DPF2: variants seen among roughly 807,000 people sequenced by gnomAD.
The protein encoded by DPF2 is double PHD fingers 2.
A neutral mutation model predicts 59.6 loss-of-function variants in DPF2; 10 were observed. The observed-to-expected ratio is 0.17, with a 90% CI of 0.10 to 0.28. The LOEUF (loss-of-function observed/expected upper bound fraction) is 0.28, where lower values mean the gene tolerates loss of function less well. DPF2 is among the 10% of genes least tolerant of loss of function. The pLI is 1.00. For synonymous variants in DPF2, 189 were observed against 190.6 expected (o/e 0.99, Z 0.07); for missense variants, 315 against 509.4 (o/e 0.62, Z 3.67).
chr11:65,340,271 C>G (rs1854323642), intron 1 of DPF2, 114 bp from the exon 2 acceptor site: 1 of 1,266,714 alleles, frequency 7.9e-7, no homozygotes, highest in Non-Finnish European at 1.1e-6. Flanking sequence ...ACGGAAGAGA[C>G]AGCCACCCAG....
At chr11:65,348,611 G>GAAAAAAA in intron 9 of DPF2, 5 of 239,450 alleles carry the variant, frequency 2.1e-5, no homozygotes, top group African/African-American at 3.0e-5. Flanking sequence ...GGGCTTTAGG[G>GAAAAAAA]AAAAAAAAAA....
In DPF2 at chr11:65,348,829, CT is replaced by C; in HGVS notation, c.1018-19del. The C allele has an allele frequency of 6.2e-7, 1 of 1,613,868 alleles. No individual in the cohort carries two copies. Among genetic ancestry groups the C allele is most frequent in the South Asian group, 1.1e-5 (1 of 91,068 alleles). The stretch of plus-strand genomic sequence containing the variant: ...ACATCAGTTATTCAGTCCCCATCCT[CT>C]TCCCTCTTGCCTACTTCAGGACCAG... On this transcript the variant is annotated intron_variant, in intron 9 of 10. Coordinates refer to ENST00000528416, the MANE Select transcript of DPF2 (RefSeq NM_006268.5).
chr11:65,340,936 G>C, intron 2 of DPF2, 30 bp from the exon 3 acceptor site: 1 of 1,607,170 alleles, frequency 6.2e-7, no homozygotes, highest in Non-Finnish European at 8.5e-7. Context: ...CTGGGTTAGG[G>C]CCTGACTTCT....
Position 65,352,958 on chromosome 11 carries a change from A to C in DPF2, c.*1199A>C, listed in dbSNP as rs538093494. On this transcript the variant is annotated 3_prime_UTR_variant, in exon 11 of 11. Coordinates refer to ENST00000528416, the MANE Select transcript of DPF2 (RefSeq NM_006268.5). ...TAGTTCCTGTATTCTAAACATTAGT[A>C]AAAATAAATGTTTTTACACAGAGCC... The C allele has an allele frequency of 6.6e-6, 1 of 152,174 alleles. No homozygotes were observed. The highest frequency in any genetic ancestry group is 2.1e-4 in the South Asian group (1 of 4,812). 9.4% of individuals were successfully genotyped at this position (152,174 alleles called of 1,614,324 possible). A position where few individuals can be genotyped will look rare whatever the true frequency, so the allele number is the denominator to read the frequency against.
intron 10 of DPF2, among the ~76,000 whole-genome samples, chr11:65,349,135 A>G (rs1342958564): frequency 6.6e-6 from 1 of 152,252 alleles, no homozygotes; most frequent in Non-Finnish European, 1.5e-5. Context: ...CATTTACAAC[A>G]GAAAATCAAC....
At chr11:65,351,605 G>A in intron 10 of DPF2, 78 bp from the exon 11 acceptor site, 1 of 1,218,910 alleles carries the variant, frequency 8.2e-7, no homozygotes, top group South Asian at 1.2e-5. Flanking sequence ...TATAGAGATG[G>A]GGTATCAAGA....
At chr11:65,345,615 A>C in intron 6 of DPF2, 51 bp from the exon 7 acceptor site, 1 of 1,607,628 alleles carries the variant, frequency 6.2e-7, no homozygotes, top group Non-Finnish European at 8.5e-7. Context: ...GGATGGGGAC[A>C]TGGCACTCTT....
At chr11:65,344,899 T>G in intron 6 of DPF2, 1 of 439,506 alleles carries the variant, frequency 2.3e-6, no homozygotes, top group Non-Finnish European at 4.0e-6. Context: ...AATCAGACCC[T>G]TCCGCTCCCT....
intron 1 of DPF2, among the ~76,000 whole-genome samples, chr11:65,339,300 A>T: frequency 6.6e-6 from 1 of 151,954 alleles, no homozygotes; most frequent in East Asian, 1.9e-4. Context: ...AACCTCCATT[A>T]CCAAAGTCCT....
intron 6 of DPF2, chr11:65,345,036 A>T (rs762239338): frequency 5.9e-5 from 12 of 204,690 alleles, no homozygotes; most frequent in Non-Finnish European, 1.1e-4. Flanking sequence ...TCTCAAGATG[A>T]CAAAATGCCT....
At position 65,353,888 on chromosome 11, in the gene DPF2, C is replaced by T. The variant is rs1854792865; in HGVS notation, c.*2129C>T. ...TAGGCCAGGCAGAGAGGGAGTACAG[C>T]AATGGATGCGCTTTGGCAGCTGAGT... On this transcript the variant is annotated 3_prime_UTR_variant, in exon 11 of 11. Coordinates refer to ENST00000528416, the MANE Select transcript of DPF2 (RefSeq NM_006268.5). 6.6e-6 allele frequency among the ~76,000 whole-genome samples: 1 copy of T among 152,138 alleles called. No individual in the cohort carries two copies. Among genetic ancestry groups the T allele is most frequent in the South Asian group, 2.1e-4 (1 of 4,828 alleles).
At chr11:65,345,900 G>T (rs747879173) in intron 7 of DPF2, 30 bp from the exon 8 acceptor site, 24 of 1,613,666 alleles carry the variant, frequency 1.5e-5, no homozygotes, top group Non-Finnish European at 1.9e-5. Context: ...GGACCCCCAT[G>T]GGTGTCATCA....
intron 10 of DPF2, among the ~76,000 whole-genome samples, chr11:65,350,989 AAAAAAT>A (rs965089493): frequency 1.3e-5 from 2 of 151,960 alleles, no homozygotes; most frequent in Non-Finnish European, 2.9e-5. Flanking sequence ...TCAGAAAAAA[AAAAAAT>A]AAAGGGAGTT....
intron 6 of DPF2, chr11:65,344,560 CTT>C (rs1394900542): frequency 2.5e-5 from 39 of 1,535,768 alleles, no homozygotes; most frequent in Non-Finnish European, 3.4e-5. Flanking sequence ...CTTCTCATGA[CTT>C]TTCTTTCTGT....
chr11:65,343,466 A>G (rs570419132), intron 4 of DPF2: 17 of 450,528 alleles, frequency 3.8e-5, no homozygotes, highest in Admixed American at 2.2e-4. Context: ...CATCAGGGCA[A>G]CCTTTTGGAA....
chr11:65,337,472 AAAATATATATAT>A (rs1232153982), intron 1 of DPF2, among the ~76,000 whole-genome samples: 41 of 50,724 alleles, frequency 8.1e-4, no homozygotes, highest in Admixed American at 1.6e-3. Context: ...AAAAAAAAAA[AAAATATATATAT>A]ATATATATAT....
chr11:65,338,456 G>A (rs1854271853), intron 1 of DPF2, among the ~76,000 whole-genome samples: 2 of 152,128 alleles, frequency 1.3e-5, no homozygotes, highest in Admixed American at 6.5e-5. Context: ...TGCAGCACTC[G>A]CCAGCCTGGC....
At chr11:65,335,823 A>AT (rs937145697) in intron 1 of DPF2, among the ~76,000 whole-genome samples, 8 of 150,874 alleles carry the variant, frequency 5.3e-5, no homozygotes, top group African/African-American at 1.7e-4. Flanking sequence ...CTTTTTTTTT[A>AT]TTTTTTTAGA....
intron 8 of DPF2, 33 bp from the exon 9 acceptor site, chr11:65,346,214 G>T: frequency 1.2e-6 from 2 of 1,606,496 alleles, no homozygotes; most frequent in South Asian, 1.1e-5. Context: ...CCGCATTTCC[G>T]ACTGTCTGTC....
Sources: gnomAD v4.1 joint callset for allele counts (sites outside exome capture counted in the v4.1 genomes callset) on GRCh38, gnomAD v4.1.1 for gene constraint, MANE v1.5 for transcripts, NCBI Gene and HGNC (gene_info 2026-07-23, HGNC 2026-07-21) for gene names.